Variants in RCBTB1 observed in about 807,000 individuals in gnomAD.
RCBTB1 encodes RCC1 and BTB domain-containing protein 1.
In RCBTB1, 46 loss-of-function variants were observed where a neutral mutation model predicts 62.4. The ratio of observed to expected loss-of-function variants is 0.74; its 90% CI spans 0.58 to 0.94. RCBTB1 has a LOEUF of 0.94. Among genes scored for constraint, RCBTB1 ranks in the 40% least tolerant of loss-of-function variants. RCBTB1 has a pLI of 0.00. For synonymous variants in RCBTB1, 222 were observed against 245.8 expected (o/e 0.90, Z 0.91); for missense variants, 565 against 654.9 (o/e 0.86, Z 1.50).
At chr13:49,552,683 A>G (rs1961483408) in intron 6 of RCBTB1, among the ~76,000 whole-genome samples, 1 of 152,168 alleles carries the variant, frequency 6.6e-6, no homozygotes, top group South Asian at 2.1e-4. Context: ...AGGTATAATC[A>G]AGGCGCTGCA....
chr13:49,582,891 T>C (rs1406173816), intron 1 of RCBTB1, among the ~76,000 whole-genome samples: 1 of 151,926 alleles, frequency 6.6e-6, no homozygotes, highest in Non-Finnish European at 1.5e-5. Flanking sequence ...AACAGTGGAG[T>C]GGAGGCCGGG....
intron 12 of RCBTB1, among the ~76,000 whole-genome samples, chr13:49,538,624 G>A (rs1280997726): frequency 6.6e-6 from 1 of 152,024 alleles, no homozygotes; most frequent in African/African-American, 2.4e-5. Context: ...GGGAAGGAAG[G>A]AGGACTACTT....
chr13:49,557,128 T>C (rs909102386), intron 5 of RCBTB1, among the ~76,000 whole-genome samples: 1 of 152,200 alleles, frequency 6.6e-6, no homozygotes, highest in Non-Finnish European at 1.5e-5. Flanking sequence ...TAAGTTGTCC[T>C]ACTTAATAAA....
chr13:49,568,807 C>T (rs1228045645), intron 2 of RCBTB1, among the ~76,000 whole-genome samples: 1 of 152,022 alleles, frequency 6.6e-6, no homozygotes, highest in African/African-American at 2.4e-5. Context: ...TGTGTGCCTG[C>T]AGTCCCAGCT....
intron 2 of RCBTB1, among the ~76,000 whole-genome samples, chr13:49,569,279 G>A (rs1167423480): frequency 6.6e-6 from 1 of 152,114 alleles, no homozygotes; most frequent in Non-Finnish European, 1.5e-5. Flanking sequence ...GCTTTTAAAA[G>A]TTTAAAAATA....
intron 1 of RCBTB1, among the ~76,000 whole-genome samples, chr13:49,583,616 G>C (rs192412857): frequency 6.6e-6 from 1 of 151,700 alleles, no homozygotes; most frequent in Non-Finnish European, 1.5e-5. Flanking sequence ...GCACAATCTC[G>C]GCTCACTGCA....
chr13:49,579,281 A>G (rs1487060072), intron 2 of RCBTB1, among the ~76,000 whole-genome samples: 1 of 152,242 alleles, frequency 6.6e-6, no homozygotes, highest in Admixed American at 6.5e-5. Flanking sequence ...CCCAGCTGCT[A>G]GAACAGCTGT....
chr13:49,582,990 A>C (rs1326185982), intron 1 of RCBTB1, among the ~76,000 whole-genome samples: 1 of 152,186 alleles, frequency 6.6e-6, no homozygotes, highest in Non-Finnish European at 1.5e-5. Flanking sequence ...CAGCCTGGGC[A>C]ACATAGGGAG....
chr13:49,573,003 C>G (rs144545635), intron 2 of RCBTB1, among the ~76,000 whole-genome samples: 1 of 152,174 alleles, frequency 6.6e-6, no homozygotes, highest in East Asian at 1.9e-4. Context: ...CAAGGTAGCC[C>G]AACTCTCTTC....
chr13:49,534,399 T>A, intron 12 of RCBTB1, 137 bp from the exon 13 acceptor site: 1 of 837,048 alleles, frequency 1.2e-6, no homozygotes, highest in Admixed American at 2.9e-5. Flanking sequence ...TACCTAAAAC[T>A]AGGCAAAAAG....
At chr13:49,549,917 G>C in intron 8 of RCBTB1, 1 of 985,116 alleles carries the variant, frequency 1.0e-6, no homozygotes, top group Non-Finnish European at 1.2e-6. Flanking sequence ...AAACAGACCA[G>C]CAAATCCAAG....
intron 12 of RCBTB1, among the ~76,000 whole-genome samples, chr13:49,538,758 T>TAA (rs1555281507): frequency 2.3e-4 from 34 of 150,078 alleles, no homozygotes; most frequent in African/African-American, 7.8e-4. Flanking sequence ...TATATATATA[T>TAA]ACACACACAC....
At chr13:49,553,656 A>C (rs531640221) in intron 6 of RCBTB1, among the ~76,000 whole-genome samples, 1 of 152,282 alleles carries the variant, frequency 6.6e-6, no homozygotes, top group South Asian at 2.1e-4. Flanking sequence ...GGTGGCATCG[A>C]GCCCCACAGC....
At chr13:49,573,692 C>T (rs1355628201) in intron 2 of RCBTB1, among the ~76,000 whole-genome samples, 1 of 151,306 alleles carries the variant, frequency 6.6e-6, no homozygotes, top group East Asian at 1.9e-4. Flanking sequence ...TCAAGTGATC[C>T]ACCTACCTCG....
chr13:49,552,076 T>A, intron 7 of RCBTB1, 102 bp downstream of exon 7: 1 of 759,426 alleles, frequency 1.3e-6, no homozygotes, highest in Non-Finnish European at 2.3e-6. Flanking sequence ...GCACAGAGTA[T>A]TGCCAGAAAA....
At chr13:49,546,426 G>A (rs1960791924) in intron 9 of RCBTB1, 2 of 873,760 alleles carry the variant, frequency 2.3e-6, no homozygotes, top group South Asian at 5.2e-5. Flanking sequence ...CCAGTTTTGT[G>A]GAAGACAATT....
At chr13:49,534,894 C>T (rs1053221399) in intron 12 of RCBTB1, among the ~76,000 whole-genome samples, 8 of 151,994 alleles carry the variant, frequency 5.3e-5, no homozygotes, top group Non-Finnish European at 7.4e-5. Flanking sequence ...ATTAGCCGGG[C>T]GTGGTGGTGG....
chr13:49,538,077 T>G (rs1344934943), intron 12 of RCBTB1: 2 of 152,234 alleles, frequency 1.3e-5, no homozygotes, highest in East Asian at 3.8e-4. Flanking sequence ...CATCCCCAAG[T>G]TGAGCTCTAA....
intron 6 of RCBTB1, among the ~76,000 whole-genome samples, chr13:49,553,417 G>T (rs1961554537): frequency 6.6e-6 from 1 of 152,148 alleles, no homozygotes; most frequent in Non-Finnish European, 1.5e-5. Flanking sequence ...AAACTAAGGA[G>T]TGATAGGGGG....
Sources: allele counts gnomAD v4.1 joint callset (sites outside exome capture counted in the v4.1 genomes callset), GRCh38; gene constraint gnomAD v4.1.1; transcripts MANE v1.5; gene names NCBI Gene and HGNC (gene_info 2026-07-23, HGNC 2026-07-21).